Variants in C2CD3 observed in about 807,000 individuals in gnomAD.
C2CD3 encodes the protein C2 domain-containing protein 3.
A neutral mutation model predicts 234.0 loss-of-function variants in C2CD3; 148 were observed. That is an observed-to-expected ratio of 0.63 (90% CI 0.55 to 0.72). The LOEUF (loss-of-function observed/expected upper bound fraction) is 0.72. Ranked by LOEUF, C2CD3 falls within the 30% of genes least tolerant of loss-of-function variation. C2CD3 has a pLI of 0.00. For synonymous variants in C2CD3, 1,000 were observed against 1,035.4 expected (o/e 0.97, Z 0.66); for missense variants, 2,577 against 2,811.5 (o/e 0.92, Z 1.89).
chr11:74,146,581 T>C (rs1855200851), intron 3 of C2CD3, among the ~76,000 whole-genome samples: 1 of 152,152 alleles, frequency 6.6e-6, no homozygotes, highest in South Asian at 2.1e-4. Context: ...ATGATGATCC[T>C]GAAATGGTCT....
Position 74,033,650 on chromosome 11 carries a change from G to A in C2CD3, c.6510C>T (p.Ala2170=). 6.5e-7 allele frequency: 1 copy of A among 1,536,176 alleles called. No individual in the cohort carries two copies. Residue 2170 remains alanine, a synonymous_variant, in exon 31 of 33, where the codon GCC becomes GCT. Coordinates refer to ENST00000334126, the MANE Select transcript of C2CD3 (RefSeq NM_001286577.2). ...KARVGGESAS[A]NPQPIPCPTL... ...TTGGGCATGGGATGGGCTGAGGGTT[G>A]GCTGAGGCAGACTCGCCACCAACCC...
intron 25 of C2CD3, among the ~76,000 whole-genome samples, chr11:74,055,640 C>T (rs1953918687): frequency 6.6e-6 from 1 of 152,216 alleles, no homozygotes. Flanking sequence ...CTATTATCAC[C>T]TGAGTGACTC....
At chr11:74,016,967 G>C (rs1951902803) in intron 32 of C2CD3, among the ~76,000 whole-genome samples, 1 of 152,142 alleles carries the variant, frequency 6.6e-6, no homozygotes, top group African/African-American at 2.4e-5. Flanking sequence ...TGAAGTCCCT[G>C]GAGCGGGAAC....
In C2CD3 at chr11:74,105,608, C is replaced by G. The variant is rs78252515; in HGVS notation, c.2085+763G>C. Among the ~76,000 whole-genome samples the G allele has an allele frequency of 1.1e-3, 169 of 152,210 alleles. 4 individuals carry two copies. In the East Asian group the frequency reaches 0.026, roughly 24 times the overall value. ...TCACCAGGACAAAGCTATACTGAAGCCACACGCTCAGATTCTGTCATCTAA... is the reference window on the plus strand; with the variant it reads ...TCACCAGGACAAAGCTATACTGAAGGCACACGCTCAGATTCTGTCATCTAA... On this transcript the variant is annotated intron_variant, in intron 13 of 32. Transcript: ENST00000334126.
rs1335119498 is a variant in C2CD3, at chr11:74,040,924, ACG to A, written c.5660+1128_5660+1129del. On this transcript the variant is annotated intron_variant, in intron 29 of 32. Coordinates refer to ENST00000334126, the MANE Select transcript of C2CD3 (RefSeq NM_001286577.2). ...CACACACACGCACACACACACACAC[ACG>A]CACACACACACACCCCTTTTAAACA... Among the ~76,000 whole-genome samples, 20 of 146,246 alleles carry A rather than the reference ACG, an allele frequency of 1.4e-4. 1 individual carries two copies. Among genetic ancestry groups the A allele is most frequent in the African/African-American group, 4.7e-4 (18 of 38,196 alleles).
At chr11:74,111,059 T>C (rs1354081669) in intron 11 of C2CD3, among the ~76,000 whole-genome samples, 1 of 152,156 alleles carries the variant, frequency 6.6e-6, no homozygotes, top group African/African-American at 2.4e-5. Flanking sequence ...TAAGAAGCAA[T>C]ACAGATTAAG....
chr11:74,093,464 C>G (rs145807072), intron 18 of C2CD3, among the ~76,000 whole-genome samples: 4,346 of 151,194 alleles, frequency 0.029, 198 homozygotes, highest in African/African-American at 0.099. Context: ...AGGAGGCTAC[C>G]ACAGTCATTT....
intron 26 of C2CD3, among the ~76,000 whole-genome samples, chr11:74,052,970 A>G (rs1953764987): frequency 6.6e-6 from 1 of 152,248 alleles, no homozygotes; most frequent in South Asian, 2.1e-4. Flanking sequence ...TGGAATCTTA[A>G]AGAAGCTAGA....
chr11:74,038,823 A>G (rs1952867787), intron 29 of C2CD3, among the ~76,000 whole-genome samples: 2 of 152,216 alleles, frequency 1.3e-5, no homozygotes, highest in Non-Finnish European at 2.9e-5. Flanking sequence ...ATGTTAGTTC[A>G]GTTTCCCTAA....
intron 3 of C2CD3, among the ~76,000 whole-genome samples, chr11:74,153,123 CAGG>C (rs1855775960): frequency 6.6e-6 from 1 of 152,066 alleles, no homozygotes; most frequent in African/African-American, 2.4e-5. Context: ...AAGGCTGAGG[CAGG>C]AGGACTGCTT....
At chr11:74,098,840 G>A (rs1956208972) in intron 15 of C2CD3, among the ~76,000 whole-genome samples, 1 of 152,184 alleles carries the variant, frequency 6.6e-6, no homozygotes, top group Non-Finnish European at 1.5e-5. Flanking sequence ...GATTTATAAT[G>A]CCATGCTGAA....
chr11:74,114,448 G>C lies in C2CD3; in HGVS notation c.1666C>G (p.Gln556Glu). 1.2e-6 allele frequency: 2 copies of C among 1,614,070 alleles called. No homozygotes were observed. Among genetic ancestry groups the C allele is most frequent in the Non-Finnish European group, 1.7e-6 (2 of 1,179,962 alleles). Residue 556 changes from glutamine (Q) to glutamate (E), a missense_variant, in exon 10 of 33, where the codon CAG (glutamine) becomes GAG (glutamate). Physicochemically the swap from Gln to Glu is conservative, Grantham distance 29. Coordinates refer to ENST00000334126, the MANE Select transcript of C2CD3 (RefSeq NM_001286577.2). Reference sequence around the variant, plus strand: ...TAGCTTTTTTTGCCAGGGGTCATCTGAGGACTATCTGGAGGAACTCCCATG... The same window carrying C: ...TAGCTTTTTTTGCCAGGGGTCATCTCAGGACTATCTGGAGGAACTCCCATG... ...ETMGVPPDSP[Q>E]MTPGKKSYAG...
chr11:74,117,086 G>C lies in C2CD3; in HGVS notation c.1520+1142C>G, dbSNP rs1290652601. ...AATATATATATATGAATATATATAT[G>C]AATATATATATATGAATATATATAT... On this transcript the variant is annotated intron_variant, in intron 9 of 32. Coordinates refer to ENST00000334126, the MANE Select transcript of C2CD3 (RefSeq NM_001286577.2). Among the ~76,000 whole-genome samples, 6 of 50,992 alleles carry C rather than the reference G, an allele frequency of 1.2e-4. 3 individuals carry two copies. Among genetic ancestry groups the C allele is most frequent in the African/African-American group, 5.2e-4 (6 of 11,446 alleles). The allele number at this position is 50,992 out of a possible 152,430, so 33.5% of individuals were successfully genotyped here.
At chr11:74,069,262 G>A (rs180992801) in intron 24 of C2CD3, among the ~76,000 whole-genome samples, 225 of 152,282 alleles carry the variant, frequency 1.5e-3, no homozygotes, top group Non-Finnish European at 2.7e-3. Flanking sequence ...GGTCTATCAG[G>A]TTTCTCTGGC....
intron 20 of C2CD3, among the ~76,000 whole-genome samples, chr11:74,086,321 C>A (rs1221550746): frequency 6.6e-6 from 1 of 152,198 alleles, no homozygotes; most frequent in Non-Finnish European, 1.5e-5. Context: ...CTTAAAGGAG[C>A]AGGGCTTTGC....
chr11:74,113,893 C>T lies in C2CD3; in HGVS notation c.1731-1G>A, dbSNP rs77400578. 3 of 1,543,056 alleles carry T rather than the reference C, an allele frequency of 1.9e-6. No individual in the cohort carries two copies. Among genetic ancestry groups the T allele is most frequent in the Non-Finnish European group, 2.6e-6 (3 of 1,140,260 alleles). The stretch of plus-strand genomic sequence containing the variant: ...AAAGTGATATTCTACAAAGAAAGTG[C>T]TAAAAAGAAAAAAAAAGTGATTAAA... On this transcript the variant is annotated splice_acceptor_variant, in intron 10 of 32. Coordinates refer to ENST00000334126, the MANE Select transcript of C2CD3 (RefSeq NM_001286577.2). LOFTEE classifies it high-confidence loss of function.
At chr11:74,160,872 C>T (rs185571865) in intron 3 of C2CD3, among the ~76,000 whole-genome samples, 15 of 152,042 alleles carry the variant, frequency 9.9e-5, no homozygotes, top group African/African-American at 3.1e-4. Flanking sequence ...GTGTATCACG[C>T]GTCAATTAGA....
intron 3 of C2CD3, among the ~76,000 whole-genome samples, chr11:74,140,336 AAT>A (rs1958012371): frequency 6.6e-6 from 1 of 152,158 alleles, no homozygotes; most frequent in Admixed American, 6.5e-5. Context: ...TTGTATATAC[AAT>A]TTCCCCCAGT....
At chr11:74,170,712 C>T in intron 1 of C2CD3, 26 bp downstream of exon 1, 1 of 1,614,118 alleles carries the variant, frequency 6.2e-7, no homozygotes, top group East Asian at 2.2e-5. Context: ...ATTACGCTTT[C>T]CTCAATCTTT....
Sources: allele counts gnomAD v4.1 joint callset (sites outside exome capture counted in the v4.1 genomes callset), GRCh38; gene constraint gnomAD v4.1.1; transcripts MANE v1.5; gene names NCBI Gene and HGNC (gene_info 2026-07-23, HGNC 2026-07-21).